Variants in ANK2 observed in about 807,000 individuals in gnomAD.
ANK2 encodes the protein ankyrin 2.
Under a neutral mutation model 360.5 loss-of-function variants are expected in ANK2, and 83 were observed. The observed-to-expected ratio is 0.23, with a 90% CI of 0.19 to 0.28. The LOEUF (loss-of-function observed/expected upper bound fraction) is 0.28, where lower values mean the gene tolerates loss of function less well. Ranked by LOEUF, ANK2 falls within the 10% of genes least tolerant of loss-of-function variation. The probability of loss-of-function intolerance (pLI) is 1.00; values close to 1 mark genes in which losing one functional copy is unlikely to be tolerated. For synonymous variants in ANK2, 1,740 were observed against 1,759.5 expected (o/e 0.99, Z 0.28); for missense variants, 4,201 against 4,795.7 (o/e 0.88, Z 3.66).
intron 11 of ANK2, among the ~76,000 whole-genome samples, chr4:113,257,819 T>C (rs2050334021): frequency 1.3e-5 from 2 of 152,216 alleles, no homozygotes; most frequent in Admixed American, 1.3e-4. Context: ...ACTTTTGTTT[T>C]CCCTGTAACC....
chr4:113,190,815 T>A (rs909199246), intron 2 of ANK2, among the ~76,000 whole-genome samples: 1 of 152,208 alleles, frequency 6.6e-6, no homozygotes, highest in Non-Finnish European at 1.5e-5. Context: ...TGATACATTT[T>A]AGCTATTATT....
At chr4:112,740,211 C>T in the ANK2 span, among the ~76,000 whole-genome samples, 1 of 151,696 alleles carries the variant, frequency 6.6e-6, no homozygotes, top group African/African-American at 2.4e-5. Flanking sequence ...AAGTATTATT[C>T]TCTTTTTTAT....
At chr4:113,187,956 G>T (rs1202410997) in intron 2 of ANK2, among the ~76,000 whole-genome samples, 2 of 152,106 alleles carry the variant, frequency 1.3e-5, no homozygotes, top group Non-Finnish European at 2.9e-5. Context: ...TCATCACTGT[G>T]CTACAGTGTA....
chr4:113,133,404 T>C (rs1013098923), intron 1 of ANK2, among the ~76,000 whole-genome samples: 3 of 152,130 alleles, frequency 2.0e-5, no homozygotes, highest in African/African-American at 7.2e-5. Flanking sequence ...ATATTCTAAA[T>C]CTCATTTTTT....
chr4:112,865,217 A>G (rs926248199), intron 1 of ANK2, among the ~76,000 whole-genome samples: 2 of 152,078 alleles, frequency 1.3e-5, no homozygotes, highest in Non-Finnish European at 2.9e-5. Context: ...AGAAATCACC[A>G]TCTTCTCTAG....
intron 2 of ANK2, among the ~76,000 whole-genome samples, chr4:113,190,477 TG>T (rs2098641237): frequency 2.7e-5 from 4 of 148,700 alleles, no homozygotes; most frequent in Non-Finnish European, 5.9e-5. Context: ...TTCATTTTAA[TG>T]TTTTTTTTTT....
At chr4:112,716,371 A>G in the ANK2 span, among the ~76,000 whole-genome samples, 1 of 152,194 alleles carries the variant, frequency 6.6e-6, no homozygotes, top group South Asian at 2.1e-4. Context: ...TGCTGGGATT[A>G]CAGGTGTAAA....
chr4:113,090,707 G>A (rs1008586455), intron 1 of ANK2, among the ~76,000 whole-genome samples: 2 of 152,188 alleles, frequency 1.3e-5, no homozygotes, highest in Admixed American at 1.3e-4. Flanking sequence ...AAGATTTTAT[G>A]TAAAAGTCTT....
At chr4:113,067,963 C>T (rs689117) in intron 1 of ANK2, among the ~76,000 whole-genome samples, 122,598 of 152,190 alleles carry the variant, frequency 0.81, 49,756 homozygotes, top group African/African-American at 0.89. Flanking sequence ...ACTATGTTCC[C>T]GGAGCCACTC....
chr4:113,329,513 A>G (rs1361667108), intron 26 of ANK2, among the ~76,000 whole-genome samples: 1 of 152,208 alleles, frequency 6.6e-6, no homozygotes, highest in African/African-American at 2.4e-5. Context: ...TGATACAGAT[A>G]TCTTCCAGCA....
At chr4:113,134,091 A>G (rs1172866433) in intron 1 of ANK2, among the ~76,000 whole-genome samples, 1 of 152,062 alleles carries the variant, frequency 6.6e-6, no homozygotes, top group East Asian at 1.9e-4. Context: ...CATCTATACT[A>G]CTAGCACCTC....
chr4:113,092,963 G>A (rs13110205), intron 1 of ANK2, among the ~76,000 whole-genome samples: 29,246 of 152,050 alleles, frequency 0.19, 3,737 homozygotes, highest in Non-Finnish European at 0.29. Context: ...GGGTTAAAGA[G>A]TCTAGTGGAA....
At chr4:113,177,378 C>T (rs2098257688) in intron 2 of ANK2, among the ~76,000 whole-genome samples, 1 of 152,172 alleles carries the variant, frequency 6.6e-6, no homozygotes, top group Non-Finnish European at 1.5e-5. Flanking sequence ...CCGCGCCCGG[C>T]CAAACTTAGG....
chr4:113,183,180 A>G (rs1464800076), intron 2 of ANK2, among the ~76,000 whole-genome samples: 1 of 151,996 alleles, frequency 6.6e-6, no homozygotes, highest in Non-Finnish European at 1.5e-5. Flanking sequence ...TTTCAGCGAA[A>G]TATGATTCTA....
rs2095639898 is a variant in ANK2, at chr4:113,354,735, G to C, written c.6117G>C (p.Gln2039His). 6.2e-7 allele frequency: 1 copy of C among 1,613,684 alleles called. No homozygotes were observed. Among genetic ancestry groups the C allele is most frequent in the Non-Finnish European group, 8.5e-7 (1 of 1,179,938 alleles). ...VEKEKGPILTQREAQKTENQT... is the reference protein window; with the variant it reads ...VEKEKGPILTHREAQKTENQT... ...AAGAAAAGGGGCCGATACTAACCCA[G>C]AGAGAAGCTCAGAAAACAGAGAATC... is the stretch of plus-strand genomic sequence containing the variant. Residue 2039 changes from glutamine (Q) to histidine (H), a missense_variant, in exon 38 of 46, where the codon CAG becomes CAC. By Grantham distance (24) the Gln-to-His change is conservative. Coordinates refer to ENST00000357077, the MANE Select transcript of ANK2 (RefSeq NM_001148.6).
At chr4:112,884,484 ATAT>A (rs1342692703) in intron 1 of ANK2, among the ~76,000 whole-genome samples, 3 of 152,150 alleles carry the variant, frequency 2.0e-5, no homozygotes, top group Admixed American at 6.5e-5. Context: ...ATGTCATGAA[ATAT>A]TATCCTCCTT....
At chr4:113,005,588 G>C (rs1181810039) in intron 2 of ANK2, among the ~76,000 whole-genome samples, 1 of 152,094 alleles carries the variant, frequency 6.6e-6, no homozygotes, top group Non-Finnish European at 1.5e-5. Context: ...GTGAGGGGTG[G>C]GTAGGAAGGA....
the ANK2 span, among the ~76,000 whole-genome samples, chr4:112,746,507 CAAAAAAAAAA>C: frequency 8.2e-6 from 1 of 121,792 alleles, no homozygotes. Context: ...GATGCTGTCT[CAAAAAAAAAA>C]AAAAAAGAGA....
At chr4:112,822,886 G>A (rs2057520375) in intron 1 of ANK2, among the ~76,000 whole-genome samples, 1 of 151,540 alleles carries the variant, frequency 6.6e-6, no homozygotes, top group Non-Finnish European at 1.5e-5. Flanking sequence ...AAAAAAACTT[G>A]TTCATTGATA....
Sources: allele counts gnomAD v4.1 joint callset (sites outside exome capture counted in the v4.1 genomes callset), GRCh38; gene constraint gnomAD v4.1.1; transcripts MANE v1.5; gene names NCBI Gene and HGNC (gene_info 2026-07-23, HGNC 2026-07-21).